Variants in TACC1 observed in about 807,000 individuals in gnomAD.
TACC1 encodes the protein transforming acidic coiled-coil-containing protein 1.
A neutral mutation model predicts 84.4 loss-of-function variants in TACC1; 48 were observed. The observed-to-expected ratio is 0.57, with a 90% confidence interval of 0.45 to 0.72. The LOEUF is 0.72. TACC1 is among the 30% of genes least tolerant of loss of function. The probability of loss-of-function intolerance (pLI) is 0.00; values close to 1 mark genes in which losing one functional copy is unlikely to be tolerated. For missense variants in TACC1, 920 were observed against 973.0 expected (o/e 0.95, Z 0.72); for synonymous variants, 372 against 376.3 (o/e 0.99, Z 0.13).
intron 2 of TACC1, among the ~76,000 whole-genome samples, chr8:38,813,001 T>A (rs1346752439): frequency 6.6e-6 from 1 of 152,222 alleles, no homozygotes; most frequent in African/African-American, 2.4e-5. Context: ...TTGCACTCAT[T>A]GCATGATTGT....
In TACC1 at chr8:38,780,243, C is replaced by G. The variant is rs140481167; in HGVS notation, c.27-8461C>G. 2.5e-4 allele frequency among the ~76,000 whole-genome samples: 38 copies of G among 152,110 alleles called. No homozygotes were observed. In the East Asian group the frequency reaches 5.2e-3, roughly 21 times the overall value. On this transcript the variant is annotated intron_variant, in intron 3 of 14. Transcript: ENST00000518415. The stretch of plus-strand genomic sequence containing the variant: ...TCATCTAATCCATCTGGAATTTATC[C>G]TGGTATATGCTCTGAGGTAAGGGTT...
At chr8:38,749,793 T>G (rs1305992362) in intron 3 of TACC1, among the ~76,000 whole-genome samples, 1 of 152,154 alleles carries the variant, frequency 6.6e-6, no homozygotes, top group Non-Finnish European at 1.5e-5. Context: ...GGTTTCACCA[T>G]GTTGGTCAAG....
chr8:38,827,683 T>C, intron 5 of TACC1: 1 of 333,194 alleles, frequency 3.0e-6, no homozygotes, highest in Non-Finnish European at 5.6e-6. Context: ...TGTTAGTTCA[T>C]TTGCGTTGCT....
upstream of TACC1, among the ~76,000 whole-genome samples, chr8:38,782,888 A>T (rs1816309345): frequency 6.6e-6 from 1 of 152,088 alleles, no homozygotes; most frequent in African/African-American, 2.4e-5. Flanking sequence ...AAACAGGCTG[A>T]CCTAATTCTG....
chr8:38,826,214 A>G (rs1243680674), intron 4 of TACC1, among the ~76,000 whole-genome samples: 3 of 152,146 alleles, frequency 2.0e-5, no homozygotes, highest in Admixed American at 1.3e-4. Flanking sequence ...GATGGGGGAA[A>G]TTTACAATCT....
chr8:38,786,308 G>A (rs1026902851), upstream of TACC1, among the ~76,000 whole-genome samples: 2 of 152,326 alleles, frequency 1.3e-5, no homozygotes, highest in Middle Eastern at 3.4e-3. Context: ...ATTTCCCATT[G>A]CCTTCAAACC....
chr8:38,773,589 G>T (rs983339922), intron 3 of TACC1, among the ~76,000 whole-genome samples: 52 of 144,832 alleles, frequency 3.6e-4, no homozygotes, highest in African/African-American at 1.2e-3. Context: ...TATCTATCTA[G>T]CTATCTATCT....
rs915674693 is a variant in TACC1 at position 38,849,833 on chromosome 8, G to C, written c.*1810G>C. The C allele has an allele frequency of 2.6e-5, 4 of 152,646 alleles. No individual in the cohort carries two copies. Among genetic ancestry groups the C allele is most frequent in the African/African-American group, 9.7e-5 (4 of 41,428 alleles). 9.5% of individuals were successfully genotyped at this position (152,646 alleles called of 1,614,324 possible). A position where few individuals can be genotyped will look rare whatever the true frequency, so the allele number is the denominator to read the frequency against. The stretch of plus-strand genomic sequence containing the variant: ...TTGAGCTTTGAAAGCAGTCACTGTG[G>C]TGTAATATGAATGCTGTCCTAGTGG... On this transcript the variant is annotated 3_prime_UTR_variant, in exon 13 of 13. Coordinates refer to ENST00000317827, the MANE Select transcript of TACC1 (RefSeq NM_006283.3).
chr8:38,742,412 C>T, exon 2 of TACC1: 29 of 1,526,826 alleles, frequency 1.9e-5, no homozygotes, highest in Non-Finnish European at 2.4e-5. Context: ...TTTACTCTTC[C>T]AAGTACACTG....
intron 3 of TACC1, among the ~76,000 whole-genome samples, chr8:38,772,775 G>A (rs1237469793): frequency 2.0e-5 from 3 of 151,734 alleles, no homozygotes; most frequent in Non-Finnish European, 2.9e-5. Context: ...ATATATTAAC[G>A]TGTTGATTTA....
chr8:38,815,616 A>C (rs1825256338), intron 2 of TACC1, among the ~76,000 whole-genome samples: 1 of 152,004 alleles, frequency 6.6e-6, no homozygotes, highest in African/African-American at 2.4e-5. Context: ...ATGGGGTTTC[A>C]CCATGTTGGC....
At chr8:38,807,913 G>A (rs1823142787) in intron 2 of TACC1, among the ~76,000 whole-genome samples, 1 of 152,180 alleles carries the variant, frequency 6.6e-6, no homozygotes, top group African/African-American at 2.4e-5. Flanking sequence ...TCCTGAATAA[G>A]CATAAAAAGC....
chr8:38,733,802 C>T (rs972604974), intron 1 of TACC1, among the ~76,000 whole-genome samples: 22 of 152,128 alleles, frequency 1.4e-4, no homozygotes, highest in African/African-American at 4.8e-4. Flanking sequence ...TCTTAATTCA[C>T]GGGACAACCT....
chr8:38,794,876 A>G (rs1217227389), intron 2 of TACC1, among the ~76,000 whole-genome samples: 1 of 152,230 alleles, frequency 6.6e-6, no homozygotes, highest in Middle Eastern at 3.2e-3. Flanking sequence ...CTTCAACAGC[A>G]TCGCAGCCTA....
At chr8:38,742,498 G>A in intron 2 of TACC1, 1 of 1,418,304 alleles carries the variant, frequency 7.1e-7, no homozygotes, top group South Asian at 1.3e-5. Flanking sequence ...GGATTTTAAA[G>A]TAAAAATTTT....
chr8:38,729,470 C>T (rs185496550), intron 1 of TACC1, among the ~76,000 whole-genome samples: 178 of 152,346 alleles, frequency 1.2e-3, no homozygotes, highest in Admixed American at 2.6e-3. Context: ...TGACACTGGA[C>T]CTGCTCAGAG....
intron 3 of TACC1, among the ~76,000 whole-genome samples, chr8:38,778,929 G>C (rs41345749): frequency 0.025 from 3,679 of 149,906 alleles, 136 homozygotes; most frequent in African/African-American, 0.078. Context: ...CCAATTTTTT[G>C]TGCCTTTGAG....
At chr8:38,757,473 C>A in intron 3 of TACC1, 2 of 1,097,864 alleles carry the variant, frequency 1.8e-6, no homozygotes, top group South Asian at 1.9e-5. Context: ...CGGGATGGAG[C>A]GCGCTGGGGC....
intron 2 of TACC1, among the ~76,000 whole-genome samples, chr8:38,819,041 A>G (rs1022140007): frequency 1.3e-5 from 2 of 152,190 alleles, no homozygotes; most frequent in South Asian, 2.1e-4. Flanking sequence ...CTCCCAAGAT[A>G]CTTATGTTTT....
Sources: gnomAD v4.1 joint callset for allele counts (sites outside exome capture counted in the v4.1 genomes callset) on GRCh38, gnomAD v4.1.1 for gene constraint, MANE v1.5 for transcripts, NCBI Gene and HGNC (gene_info 2026-07-23, HGNC 2026-07-21) for gene names.